The following AADAC variants were observed in gnomAD, a reference collection of about 807,000 sequenced individuals.
AADAC encodes arylacetamide deacetylase (esterase).
A neutral mutation model predicts 22.7 loss-of-function variants in AADAC; 17 were observed. The ratio of observed to expected loss-of-function variants is 0.75; its 90% CI spans 0.51 to 1.12. AADAC has a LOEUF of 1.12. AADAC is among the 50% of genes most tolerant of loss of function. AADAC has a pLI of 0.00. For synonymous variants in AADAC, 167 were observed against 176.3 expected (o/e 0.95, Z 0.42); for missense variants, 465 against 473.9 (o/e 0.98, Z 0.17).
intron 1 of AADAC, among the ~76,000 whole-genome samples, chr3:151,816,793 A>T (rs1282173507): frequency 6.6e-6 from 1 of 152,008 alleles, no homozygotes; most frequent in Non-Finnish European, 1.5e-5. Flanking sequence ...TTACAGAAAG[A>T]ATGGTGGCTT....
intron 4 of AADAC, among the ~76,000 whole-genome samples, chr3:151,826,938 A>G (rs889721220): frequency 3.3e-5 from 5 of 151,832 alleles, no homozygotes; most frequent in Non-Finnish European, 7.4e-5. Flanking sequence ...TTTTTGAGAC[A>G]GTGTGTCACT....
chr3:151,827,551 T>C, intron 4 of AADAC, 25 bp from the exon 5 acceptor site: 1 of 1,412,430 alleles, frequency 7.1e-7, no homozygotes, highest in Non-Finnish European at 9.6e-7. Context: ...TGAAAATGAT[T>C]TGTGCAAATC....
intron 2 of AADAC, among the ~76,000 whole-genome samples, chr3:151,819,375 T>C (rs543461448): frequency 1.3e-5 from 2 of 152,030 alleles, no homozygotes; most frequent in South Asian, 2.1e-4. Flanking sequence ...GAACTTTCTA[T>C]GTTAATATTG....
chr3:151,820,939 A>G (rs1012013595), intron 3 of AADAC, among the ~76,000 whole-genome samples: 6 of 151,060 alleles, frequency 4.0e-5, no homozygotes, highest in Non-Finnish European at 7.4e-5. Flanking sequence ...GAGAAAAAAA[A>G]ATCTGTATAT....
intron 4 of AADAC, among the ~76,000 whole-genome samples, chr3:151,826,148 A>G (rs1170998454): frequency 6.6e-6 from 1 of 152,014 alleles, no homozygotes; most frequent in Non-Finnish European, 1.5e-5. Context: ...GTTGGACAAT[A>G]TTCTCAAAAG....
chr3:151,825,246 T>C (rs1416666855), intron 4 of AADAC, among the ~76,000 whole-genome samples: 1 of 150,362 alleles, frequency 6.7e-6, no homozygotes, highest in East Asian at 1.9e-4. Context: ...TAGCCTGGCA[T>C]AATAGTGTAA....
chr3:151,825,187 C>A (rs972019), intron 4 of AADAC, among the ~76,000 whole-genome samples: 113,098 of 148,968 alleles, frequency 0.76, 43,184 homozygotes, highest in Middle Eastern at 0.85. Flanking sequence ...GCTTGGGAAA[C>A]ACAGTGAGAC....
At chr3:151,820,318 A>G in intron 2 of AADAC, 65 bp from the exon 3 acceptor site, 1 of 1,238,070 alleles carries the variant, frequency 8.1e-7, no homozygotes, top group Non-Finnish European at 1.1e-6. Flanking sequence ...GATTTTTGTG[A>G]AGGAAACAGC....
intron 4 of AADAC, 92 bp from the exon 5 acceptor site, chr3:151,827,484 A>T: frequency 1.2e-6 from 1 of 820,846 alleles, no homozygotes; most frequent in Non-Finnish European, 1.9e-6. Context: ...TAGATAGATA[A>T]AAACAAGATA....
intron 3 of AADAC, among the ~76,000 whole-genome samples, chr3:151,820,953 T>C (rs1716229073): frequency 6.6e-6 from 1 of 151,158 alleles, no homozygotes; most frequent in Non-Finnish European, 1.5e-5. Context: ...TGTATATGTG[T>C]GTACACGTGT....
At chr3:151,817,723 GT>G in intron 2 of AADAC, 135 bp downstream of exon 2, 2 of 753,920 alleles carry the variant, frequency 2.7e-6, no homozygotes, top group Non-Finnish European at 2.1e-6. Context: ...TTCTGGCAAA[GT>G]TTTACTTTTC....
intron 3 of AADAC, among the ~76,000 whole-genome samples, chr3:151,823,231 T>C (rs993397816): frequency 1.3e-5 from 2 of 151,690 alleles, no homozygotes; most frequent in Non-Finnish European, 2.9e-5. Context: ...TGAGCCGAGA[T>C]TGTGCCACTG....
Position 151,827,777 on chromosome 3 carries a change from C to A in AADAC, c.805C>A (p.His269Asn). ...TGAAAAAGCCATGCTTTCCAGACAA[C>A]ATGTACCTGTGGAATCAAGTCATCT... ...SLEKAMLSRQHVPVESSHLFK... is the reference protein window; with the variant it reads ...SLEKAMLSRQNVPVESSHLFK... The change falls in exon 5 of 5, where the codon CAT becomes AAT. Residue 269 changes from histidine to asparagine, a missense_variant. By Grantham distance (68) the His-to-Asn change is moderately conservative. Transcript: ENST00000232892. 1.2e-6 allele frequency: 2 copies of A among 1,613,338 alleles called. No individual in the cohort carries two copies. Among genetic ancestry groups the A allele is most frequent in the Non-Finnish European group, 1.7e-6 (2 of 1,179,518 alleles).
Position 151,817,436 on chromosome 3 carries a change from A to G in AADAC, c.209A>G (p.Glu70Gly). The G allele has an allele frequency of 6.2e-7, 1 of 1,613,788 alleles. No homozygotes were observed. Among genetic ancestry groups the G allele is most frequent in the Non-Finnish European group, 8.5e-7 (1 of 1,179,756 alleles). The stretch of plus-strand genomic sequence containing the variant: ...TTTAAGGTTGTCGGGAGCTTTGATG[A>G]AGTCCCACCAACCTCAGATGAAAAT... ...DSFKVVGSFDEVPPTSDENVT... is the reference protein window; with the variant it reads ...DSFKVVGSFDGVPPTSDENVT... The change falls in exon 2 of 5, where the codon GAA becomes GGA. Residue 70 changes from glutamate (E) to glycine (G), a missense_variant. Glu to Gly is a moderately conservative substitution (Grantham distance 98). Transcript: ENST00000232892.
At position 151,827,594 on chromosome 3, in the gene AADAC, GTCAAGATCAA is replaced by G. The variant is rs900469913; in HGVS notation, c.623_632del (p.Val208AspfsTer7). 6.4e-7 allele frequency: 1 copy of G among 1,571,518 alleles called. No homozygotes were observed. The highest frequency in any genetic ancestry group is 1.4e-5 in the African/African-American group (1 of 73,206). On this transcript the variant is annotated frameshift_variant, in exon 5 of 5. Transcript: ENST00000232892. LOFTEE classifies it low-confidence loss of function (END_TRUNC). ...TTCTCAGCTCCTTGATGACCCAGAT[GTCAAGATCAA>G]ACTCAAGATCCAGTCTTTAATTTAT...
chr3:151,814,687 A>T (rs1715909326), intron 1 of AADAC, among the ~76,000 whole-genome samples: 1 of 152,022 alleles, frequency 6.6e-6, no homozygotes, highest in African/African-American at 2.4e-5. Flanking sequence ...ATTTTTATGC[A>T]CTTATCTTTG....
rs2108037317 is a variant in AADAC, at chr3:151,827,573, C to T, written c.604-3C>T. On this transcript the variant is annotated splice_polypyrimidine_tract_variant and splice_region_variant and intron_variant, in intron 4 of 4. Transcript: ENST00000232892. Reference sequence around the variant, plus strand: ...GATTTGTGCAAATCATCTTGCTTCTCAGCTCCTTGATGACCCAGATGTCAA... The same window carrying T: ...GATTTGTGCAAATCATCTTGCTTCTTAGCTCCTTGATGACCCAGATGTCAA... 2.0e-6 allele frequency: 3 copies of T among 1,521,530 alleles called. No homozygotes were observed. In the East Asian group the frequency reaches 6.8e-5, roughly 34 times the overall value. 94.3% of individuals were successfully genotyped at this position (1,521,530 alleles called of 1,614,324 possible).
At chr3:151,821,820 C>T (rs373846463) in intron 3 of AADAC, among the ~76,000 whole-genome samples, 1 of 151,686 alleles carries the variant, frequency 6.6e-6, no homozygotes, top group Non-Finnish European at 1.5e-5. Context: ...CAAATATTCT[C>T]ATTTTATTTA....
intron 3 of AADAC, among the ~76,000 whole-genome samples, chr3:151,823,448 G>T (rs1716338136): frequency 1.3e-5 from 2 of 151,794 alleles, no homozygotes; most frequent in Admixed American, 1.3e-4. Flanking sequence ...CCAATTAATA[G>T]AAGTATAGGC....
Sources: gnomAD v4.1 joint callset for allele counts (sites outside exome capture counted in the v4.1 genomes callset) on GRCh38, gnomAD v4.1.1 for gene constraint, MANE v1.5 for transcripts, NCBI Gene and HGNC (gene_info 2026-07-23, HGNC 2026-07-21) for gene names.